Variants in HS2ST1 observed in about 807,000 individuals in gnomAD.
HS2ST1 encodes the protein heparan sulfate 2-O-sulfotransferase 1, also known as 2-O-sulfotransferase.
In HS2ST1, 18 loss-of-function variants were observed where a neutral mutation model predicts 42.9. That is an observed-to-expected ratio of 0.42 (90% CI 0.29 to 0.62). The LOEUF (loss-of-function observed/expected upper bound fraction) is 0.62, where lower values mean the gene tolerates loss of function less well. Among genes scored for constraint, HS2ST1 ranks in the 20% least tolerant of loss-of-function variants. The pLI is 0.21. For missense variants in HS2ST1, 334 were observed against 433.8 expected (o/e 0.77, Z 2.04); for synonymous variants, 146 against 152.9 (o/e 0.95, Z 0.33).
intron 1 of HS2ST1, among the ~76,000 whole-genome samples, chr1:86,952,997 A>G (rs781226557): frequency 3.9e-5 from 6 of 152,168 alleles, no homozygotes; most frequent in Admixed American, 1.3e-4. Flanking sequence ...TTCCAGTACA[A>G]TGCTGTTTCA....
intron 1 of HS2ST1, among the ~76,000 whole-genome samples, chr1:86,968,427 AT>A (rs1648125361): frequency 1.3e-5 from 1 of 75,240 alleles, no homozygotes; most frequent in South Asian, 6.2e-4. Flanking sequence ...TATTTCTCCA[AT>A]CCTTTTTTTT....
intron 1 of HS2ST1, among the ~76,000 whole-genome samples, chr1:86,917,029 C>G (rs986461740): frequency 6.6e-6 from 1 of 152,052 alleles, no homozygotes; most frequent in African/African-American, 2.4e-5. Context: ...AAAGTGCTTT[C>G]TTGTGATACA....
At chr1:87,082,950 A>G (rs1200842795) in intron 2 of HS2ST1, among the ~76,000 whole-genome samples, 1 of 152,212 alleles carries the variant, frequency 6.6e-6, no homozygotes, top group Non-Finnish European at 1.5e-5. Flanking sequence ...AAGGATGTAT[A>G]TGTGTATTGA....
At chr1:87,021,819 A>G (rs561783124) in intron 1 of HS2ST1, among the ~76,000 whole-genome samples, 5 of 152,308 alleles carry the variant, frequency 3.3e-5, no homozygotes, top group African/African-American at 1.2e-4. Context: ...CCAAGCTGAC[A>G]GTGTTATTTC....
intron 1 of HS2ST1, among the ~76,000 whole-genome samples, chr1:87,014,828 C>T (rs1217523029): frequency 6.6e-6 from 1 of 152,196 alleles, no homozygotes; most frequent in Non-Finnish European, 1.5e-5. Flanking sequence ...CAAGGATAAT[C>T]ATTTTAAAAC....
intron 1 of HS2ST1, among the ~76,000 whole-genome samples, chr1:87,065,834 G>A (rs1191524043): frequency 6.6e-6 from 1 of 151,878 alleles, no homozygotes. Context: ...TGAAAATTTG[G>A]TCTTTTTTGT....
chr1:87,093,724 C>T (rs1223262519), intron 4 of HS2ST1, among the ~76,000 whole-genome samples: 1 of 152,062 alleles, frequency 6.6e-6, no homozygotes, highest in East Asian at 1.9e-4. Flanking sequence ...GAATTCTGCA[C>T]ATTTTAAACC....
At chr1:86,993,743 A>C (rs1250821978) in intron 1 of HS2ST1, among the ~76,000 whole-genome samples, 2 of 152,234 alleles carry the variant, frequency 1.3e-5, no homozygotes, top group African/African-American at 2.4e-5. Context: ...GCCTCAGTTC[A>C]AAAGTGTATC....
intron 1 of HS2ST1, among the ~76,000 whole-genome samples, chr1:87,041,358 G>T (rs933597590): frequency 1.3e-5 from 2 of 151,616 alleles, no homozygotes; most frequent in South Asian, 4.2e-4. Context: ...CTGCACTCCA[G>T]TGTGGGTTAC....
chr1:86,935,455 CTTTTTTTTTTTTTTTT>C (rs552713297), intron 1 of HS2ST1, among the ~76,000 whole-genome samples: 1 of 62,062 alleles, frequency 1.6e-5, no homozygotes, highest in Non-Finnish European at 3.0e-5. Context: ...TCTTTTTCTC[CTTTTTTTTTTTTTTTT>C]TTTTTTTTTG....
At chr1:87,053,560 A>T (rs1298569540) in intron 1 of HS2ST1, among the ~76,000 whole-genome samples, 3 of 152,168 alleles carry the variant, frequency 2.0e-5, no homozygotes, top group Non-Finnish European at 4.4e-5. Context: ...TTACTTTGGA[A>T]AAAAATGCTA....
At chr1:86,963,413 T>C (rs1013353635) in intron 1 of HS2ST1, among the ~76,000 whole-genome samples, 34 of 152,306 alleles carry the variant, frequency 2.2e-4, no homozygotes, top group Non-Finnish European at 3.4e-4. Context: ...CATCTTGCAC[T>C]GCCCTTAATC....
Position 87,101,149 on chromosome 1 carries a change from GTTTTTTGTTTTTTTTTTTTT to G in HS2ST1, c.687-2276_687-2257del, listed in dbSNP as rs1436444258. Among the ~76,000 whole-genome samples, 3 of 59,568 alleles carry G rather than the reference GTTTTTTGTTTTTTTTTTTTT, an allele frequency of 5.0e-5. 1 individual carries two copies. The highest frequency in any genetic ancestry group is 8.9e-5 in the Non-Finnish European group (3 of 33,770). 39.1% of individuals were successfully genotyped at this position (59,568 alleles called of 152,430 possible). A position where few individuals can be genotyped will look rare whatever the true frequency, so the allele number is the denominator to read the frequency against. On this transcript the variant is annotated intron_variant, in intron 5 of 6. Transcript: ENST00000370550. ...TCATCACTTTTGTGTGTGTGTGTGT[GTTTTTTGTTTTTTTTTTTTT>G]TTTTTTTTTTTTTTTTGAGGCAGTC...
chr1:87,024,713 A>G (rs1267602673), intron 1 of HS2ST1, among the ~76,000 whole-genome samples: 1 of 152,190 alleles, frequency 6.6e-6, no homozygotes, highest in African/African-American at 2.4e-5. Context: ...TTAAGCCCTC[A>G]ATAAATGGTG....
intron 1 of HS2ST1, among the ~76,000 whole-genome samples, chr1:86,927,309 A>C (rs149295319): frequency 3.3e-5 from 5 of 152,182 alleles, no homozygotes; most frequent in Non-Finnish European, 7.4e-5. Context: ...TCAACGTGGC[A>C]TGGCACAATT....
At chr1:86,959,079 A>G (rs1242109014) in intron 1 of HS2ST1, among the ~76,000 whole-genome samples, 1 of 152,194 alleles carries the variant, frequency 6.6e-6, no homozygotes. Flanking sequence ...GGAATGGGGG[A>G]AAATTCCTCA....
intron 1 of HS2ST1, among the ~76,000 whole-genome samples, chr1:87,026,944 T>A (rs949620473): frequency 2.0e-5 from 3 of 152,196 alleles, no homozygotes; most frequent in Admixed American, 6.5e-5. Flanking sequence ...CTGGTTTTTC[T>A]AATTTATGTT....
chr1:87,054,854 A>G (rs570314846), intron 1 of HS2ST1, among the ~76,000 whole-genome samples: 20 of 152,300 alleles, frequency 1.3e-4, no homozygotes, highest in African/African-American at 4.3e-4. Flanking sequence ...CCAACCAGAA[A>G]CACTCATGTT....
chr1:86,943,718 GA>G (rs57663143), intron 1 of HS2ST1, among the ~76,000 whole-genome samples: 24,762 of 136,408 alleles, frequency 0.18, 2,274 homozygotes, highest in African/African-American at 0.28. Context: ...CCCTATCTCA[GA>G]AAAAAAAAAG....
Sources: gnomAD v4.1 joint callset for allele counts (sites outside exome capture counted in the v4.1 genomes callset) on GRCh38, gnomAD v4.1.1 for gene constraint, MANE v1.5 for transcripts, NCBI Gene and HGNC (gene_info 2026-07-23, HGNC 2026-07-21) for gene names.